NLGN1: variants seen among roughly 807,000 people sequenced by gnomAD.
The protein encoded by NLGN1 is neuroligin-1.
Under a neutral mutation model 65.5 loss-of-function variants are expected in NLGN1, and 12 were observed. That is an observed-to-expected ratio of 0.18 (90% CI 0.12 to 0.30). The LOEUF (loss-of-function observed/expected upper bound fraction) is 0.30. Ranked by LOEUF, NLGN1 falls within the 10% of genes least tolerant of loss-of-function variation. The probability of loss-of-function intolerance (pLI) is 1.00; values close to 1 mark genes in which losing one functional copy is unlikely to be tolerated. For synonymous variants in NLGN1, 350 were observed against 359.5 expected (o/e 0.97, Z 0.30); for missense variants, 750 against 1,007.1 (o/e 0.74, Z 3.46).
intron 4 of NLGN1, among the ~76,000 whole-genome samples, chr3:173,895,657 C>T (rs1448227554): frequency 1.3e-5 from 2 of 151,730 alleles, no homozygotes; most frequent in African/African-American, 4.8e-5. Context: ...GAAGATCTCA[C>T]AGAGAAGGAA....
At chr3:174,229,105 T>C (rs1195477330) in intron 4 of NLGN1, among the ~76,000 whole-genome samples, 1 of 152,146 alleles carries the variant, frequency 6.6e-6, no homozygotes, top group African/African-American at 2.4e-5. Context: ...TTCTCAGTCT[T>C]TTAACTTCTT....
intron 4 of NLGN1, among the ~76,000 whole-genome samples, chr3:174,194,560 T>G (rs1733017511): frequency 6.6e-6 from 1 of 151,994 alleles, no homozygotes. Flanking sequence ...TAGTCTAAGT[T>G]AAACAAACCC....
chr3:173,594,847 G>A (rs1749179684), intron 2 of NLGN1, among the ~76,000 whole-genome samples: 1 of 152,242 alleles, frequency 6.6e-6, no homozygotes, highest in South Asian at 2.1e-4. Context: ...AAGCTGCCAA[G>A]GCTTGGGGCT....
chr3:173,813,701 A>G (rs1254390957), intron 4 of NLGN1, among the ~76,000 whole-genome samples: 1 of 152,240 alleles, frequency 6.6e-6, no homozygotes, highest in African/African-American at 2.4e-5. Context: ...AATATGTACA[A>G]CAGTTGAACA....
chr3:173,459,115 A>G (rs1722959689), intron 2 of NLGN1, among the ~76,000 whole-genome samples: 1 of 152,112 alleles, frequency 6.6e-6, no homozygotes. Context: ...TGCTCAGCTC[A>G]TAGCCCATCT....
chr3:173,791,559 TTTTC>T (rs1476714585), intron 3 of NLGN1, among the ~76,000 whole-genome samples: 1 of 151,904 alleles, frequency 6.6e-6, no homozygotes, highest in African/African-American at 2.4e-5. Flanking sequence ...CAATAAATAT[TTTTC>T]TTTATTTTAA....
intron 3 of NLGN1, among the ~76,000 whole-genome samples, chr3:173,641,376 C>T (rs147558942): frequency 2.3e-4 from 35 of 152,256 alleles, no homozygotes; most frequent in Non-Finnish European, 4.3e-4. Context: ...TGAAGTGGCA[C>T]GATCTCGGCT....
At chr3:174,132,878 T>A (rs1296171743) in intron 4 of NLGN1, among the ~76,000 whole-genome samples, 1 of 152,086 alleles carries the variant, frequency 6.6e-6, no homozygotes, top group Admixed American at 6.5e-5. Flanking sequence ...AACCCAAGGA[T>A]CTACTAGGGT....
At chr3:173,924,710 G>A (rs983993030) in intron 4 of NLGN1, among the ~76,000 whole-genome samples, 10 of 152,006 alleles carry the variant, frequency 6.6e-5, no homozygotes, top group African/African-American at 2.4e-4. Flanking sequence ...AATATTTACT[G>A]TATGTTGGGA....
chr3:173,418,196 TG>T lies in NLGN1; in HGVS notation c.-389-16812del, dbSNP rs533494879. Among the ~76,000 whole-genome samples, 32 of 151,352 alleles carry T rather than the reference TG, an allele frequency of 2.1e-4. No homozygotes were observed. The East Asian group carries it at 5.2e-3, about 25-fold the overall frequency. On this transcript the variant is annotated intron_variant, in intron 1 of 6. Transcript: ENST00000457714. ...TTAGAAGGCATAATTATAATATAAT[TG>T]GAAGATGTAATTATTATAATTTTAA...
intron 4 of NLGN1, among the ~76,000 whole-genome samples, chr3:174,190,016 C>T (rs530860951): frequency 6.6e-6 from 1 of 152,090 alleles, no homozygotes; most frequent in South Asian, 2.1e-4. Flanking sequence ...ACTTGAATAT[C>T]AGGGGCATTC....
intron 4 of NLGN1, among the ~76,000 whole-genome samples, chr3:174,133,159 T>C (rs1291925037): frequency 2.6e-5 from 4 of 152,212 alleles, no homozygotes; most frequent in Non-Finnish European, 5.9e-5. Flanking sequence ...TATTAGACTT[T>C]CCTGAGTGGT....
chr3:173,973,455 A>C (rs998779568), intron 4 of NLGN1, among the ~76,000 whole-genome samples: 21 of 152,146 alleles, frequency 1.4e-4, no homozygotes, highest in African/African-American at 5.1e-4. Context: ...GAAGCAAAGT[A>C]ATGTGTGCAG....
At chr3:173,972,068 GC>G (rs1213271027) in intron 4 of NLGN1, among the ~76,000 whole-genome samples, 1 of 152,058 alleles carries the variant, frequency 6.6e-6, no homozygotes, top group Non-Finnish European at 1.5e-5. Flanking sequence ...CCAAGAAAGA[GC>G]CAGTTTTAAG....
intron 4 of NLGN1, among the ~76,000 whole-genome samples, chr3:174,079,641 C>T (rs775584637): frequency 1.5e-4 from 23 of 152,134 alleles, no homozygotes; most frequent in Non-Finnish European, 2.9e-4. Flanking sequence ...GCCTAAATGC[C>T]CATCAATGGT....
At chr3:174,177,082 A>T (rs971327447) in intron 4 of NLGN1, among the ~76,000 whole-genome samples, 2 of 152,114 alleles carry the variant, frequency 1.3e-5, no homozygotes, top group African/African-American at 4.8e-5. Context: ...AAGAGAAAAT[A>T]TACAAATATT....
chr3:173,622,870 C>T (rs1305149910), intron 3 of NLGN1, among the ~76,000 whole-genome samples: 1 of 152,000 alleles, frequency 6.6e-6, no homozygotes, highest in Non-Finnish European at 1.5e-5. Context: ...CTAACTGACC[C>T]AATTACTAAA....
At chr3:173,980,181 A>T (rs1416951789) in intron 4 of NLGN1, among the ~76,000 whole-genome samples, 1 of 152,112 alleles carries the variant, frequency 6.6e-6, no homozygotes. Context: ...AAGCATTAAC[A>T]TATAAACTCC....
In NLGN1 at chr3:173,436,127, C is replaced by A. The variant is rs559645760; in HGVS notation, c.-321+1049C>A. ...ATCAATTTACCAAACACTGAGTGAA[C>A]CCAGCACTTGTTGAGAAGAAAAGAC... is the stretch of plus-strand genomic sequence containing the variant. On this transcript the variant is annotated intron_variant, in intron 2 of 6. Coordinates refer to ENST00000457714, the Ensembl canonical transcript of NLGN1. Among the ~76,000 whole-genome samples, 8 of 152,302 alleles carry A rather than the reference C, an allele frequency of 5.3e-5. No homozygotes were observed. The South Asian group carries it at 1.7e-3, about 32-fold the overall frequency.
Sources: gnomAD v4.1 joint callset for allele counts (sites outside exome capture counted in the v4.1 genomes callset) on GRCh38, gnomAD v4.1.1 for gene constraint, MANE v1.5 for transcripts, NCBI Gene and HGNC (gene_info 2026-07-23, HGNC 2026-07-21) for gene names.